The following CADM1 variants were observed in gnomAD, a reference collection of about 807,000 sequenced individuals.
CADM1 encodes the protein TSLC-1.
CADM1 carries 15 observed loss-of-function variants against 53.1 expected under a neutral mutation model. The observed-to-expected ratio is 0.28, with a 90% CI of 0.19 to 0.44. The LOEUF (loss-of-function observed/expected upper bound fraction) is 0.44, where lower values mean the gene tolerates loss of function less well. Ranked by LOEUF, CADM1 falls within the 20% of genes least tolerant of loss-of-function variation. The pLI, the probability that CADM1 is intolerant of heterozygous loss-of-function variation, is 1.00. For synonymous variants in CADM1, 281 were observed against 243.0 expected, an observed-to-expected ratio of 1.16 and a Z score of -1.45; for missense variants, 434 against 611.3, an observed-to-expected ratio of 0.71 and a Z score of 3.06.
In CADM1 at chr11:115,369,026, TAA is replaced by T. The variant is rs552309443; in HGVS notation, c.125-128608_125-128607del. Reference sequence around the variant, plus strand: ...GTGCCTAGCAGAGTGAAAAAAAATCTAAAAAAAAAAAAAAAAAAAAAAAAAAA... The same window carrying T: ...GTGCCTAGCAGAGTGAAAAAAAATCTAAAAAAAAAAAAAAAAAAAAAAAAA... On this transcript the variant is annotated intron_variant, in intron 1 of 11. Coordinates refer to ENST00000331581, the MANE Select transcript of CADM1 (RefSeq NM_001301043.2). Among the ~76,000 whole-genome samples, 153 of 44,744 alleles carry T rather than the reference TAA, an allele frequency of 3.4e-3. 1 individual carries two copies. Among genetic ancestry groups the T allele is most frequent in the African/African-American group, 0.011 (131 of 11,976 alleles). The allele number at this position is 44,744 out of a possible 152,430, so 29.4% of individuals were successfully genotyped here.
At chr11:115,184,845 G>T (rs2134613720) in intron 10 of CADM1, among the ~76,000 whole-genome samples, 1 of 152,322 alleles carries the variant, frequency 6.6e-6, no homozygotes, top group South Asian at 2.1e-4. Flanking sequence ...GCTGTACCTT[G>T]TCACTACTCA....
intron 1 of CADM1, among the ~76,000 whole-genome samples, chr11:115,322,154 CT>C (rs1944840253): frequency 6.6e-6 from 1 of 152,122 alleles, no homozygotes; most frequent in Admixed American, 6.6e-5. Flanking sequence ...GGCCATTGTT[CT>C]TTACCTCTCT....
Position 115,229,209 on chromosome 11 carries a change from C to A in CADM1, c.625G>T (p.Val209Leu). 1.2e-6 allele frequency: 2 copies of A among 1,614,138 alleles called. No individual in the cohort carries two copies. Among genetic ancestry groups the A allele is most frequent in the South Asian group, 1.1e-5 (1 of 91,088 alleles). The change falls in exon 5 of 12, where the codon GTG (valine) becomes TTG (leucine). Residue 209 changes from valine to leucine, a missense_variant. This residue lies in a region of CADM1 where 311 missense variants were observed against 435.1 expected (regional missense o/e 0.71). Coordinates refer to ENST00000331581, the MANE Select transcript of CADM1 (RefSeq NM_001301043.2). Reference sequence around the variant, plus strand: ...GGGACCCCATCGTCCTCCTTGTGCACCTTCAGCATCAGCTGACTGGTCACA... The same window carrying A: ...GGGACCCCATCGTCCTCCTTGTGCAACTTCAGCATCAGCTGACTGGTCACA... ...YTVTSQLMLK[V>L]HKEDDGVPVI... is the part of the protein sequence containing the mutation.
chr11:115,285,327 C>T (rs920567216), intron 1 of CADM1, among the ~76,000 whole-genome samples: 11 of 152,152 alleles, frequency 7.2e-5, no homozygotes, highest in Non-Finnish European at 1.3e-4. Flanking sequence ...ATGTAAACTT[C>T]GTTGTGTACC....
intron 1 of CADM1, among the ~76,000 whole-genome samples, chr11:115,490,199 A>G (rs1949461381): frequency 6.6e-6 from 1 of 152,188 alleles, no homozygotes; most frequent in Non-Finnish European, 1.5e-5. Context: ...AGGGGCTGTT[A>G]TACCATTGTA....
At position 115,169,936 on chromosome 11, in the gene CADM1, C is replaced by CCTG; in HGVS notation, c.*6537_*6538insCAG. 1 of 220,492 alleles carries CCTG rather than the reference C, an allele frequency of 4.5e-6. No homozygotes were observed. Among genetic ancestry groups the CCTG allele is most frequent in the Non-Finnish European group, 9.3e-6 (1 of 108,036 alleles). 13.7% of individuals were successfully genotyped at this position (220,492 alleles called of 1,614,324 possible). A position where few individuals can be genotyped will look rare whatever the true frequency, so the allele number is the denominator to read the frequency against. Reference sequence around the variant, plus strand: ...CTTGCTATTAAAGGCCTGCATTAGGCTCTTCCAACACCAGCTCTGGAAGAC... The same window carrying CCTG: ...CTTGCTATTAAAGGCCTGCATTAGGCCTGTCTTCCAACACCAGCTCTGGAAGAC... On this transcript the variant is annotated 3_prime_UTR_variant, in exon 12 of 12. Transcript: ENST00000331581.
At chr11:115,351,975 T>C (rs924292304) in intron 1 of CADM1, among the ~76,000 whole-genome samples, 3 of 152,228 alleles carry the variant, frequency 2.0e-5, no homozygotes, top group South Asian at 2.1e-4. Context: ...GAGAAGCTAA[T>C]TGAACAAGTA....
At chr11:115,436,335 T>C (rs776772157) in intron 1 of CADM1, among the ~76,000 whole-genome samples, 1 of 152,320 alleles carries the variant, frequency 6.6e-6, no homozygotes, top group Non-Finnish European at 1.5e-5. Flanking sequence ...TTTCCAAAAG[T>C]GTTCCTGAAA....
chr11:115,184,887 T>C (rs1488776082), intron 10 of CADM1, among the ~76,000 whole-genome samples: 2 of 152,172 alleles, frequency 1.3e-5, no homozygotes, highest in Non-Finnish European at 2.9e-5. Context: ...TCTTAGACTA[T>C]CACTGGCTAC....
chr11:115,504,316 G>T lies in CADM1; in HGVS notation c.79C>A (p.Arg27=). The part of the protein sequence containing the change: ...AAAAPPGLRL[R]LLLLLFSAAA... ...GCGGAGAAGAGCAACAGCAGAAGCC[G>T]GAGCCGGAGCCCGGGAGGCGCCGCC... The change falls in exon 1 of 12, where the codon CGG becomes AGG. Residue 27 remains arginine, a synonymous_variant. Transcript: ENST00000331581. 1.3e-6 allele frequency: 2 copies of T among 1,506,644 alleles called. No homozygotes were observed. Among genetic ancestry groups the T allele is most frequent in the Non-Finnish European group, 1.8e-6 (2 of 1,109,056 alleles). 93.3% of individuals were successfully genotyped at this position (1,506,644 alleles called of 1,614,324 possible).
chr11:115,265,672 T>C lies in CADM1; in HGVS notation c.125-25252A>G, dbSNP rs1232596851. ...TTGTCTAATCTGTATTTGGGACCAG[T>C]AGTTCACTGGGTTAATCCAAAAGAA... On this transcript the variant is annotated intron_variant, in intron 1 of 11. Transcript: ENST00000331581. Among the ~76,000 whole-genome samples, 4 of 152,184 alleles carry C rather than the reference T, an allele frequency of 2.6e-5. No homozygotes were observed. In the East Asian group the frequency reaches 5.8e-4, roughly 22 times the overall value.
intron 1 of CADM1, among the ~76,000 whole-genome samples, chr11:115,434,177 T>G (rs578246909): frequency 6.6e-6 from 1 of 152,342 alleles, no homozygotes; most frequent in East Asian, 1.9e-4. Context: ...TTTAACTGCA[T>G]GAGTTTCTCT....
At chr11:115,299,942 T>G (rs1050816115) in intron 1 of CADM1, among the ~76,000 whole-genome samples, 3 of 152,174 alleles carry the variant, frequency 2.0e-5, no homozygotes, top group African/African-American at 7.2e-5. Flanking sequence ...ATTCAAGGAA[T>G]CTAAATCAGA....
At chr11:115,399,971 A>G (rs1213594874) in intron 1 of CADM1, among the ~76,000 whole-genome samples, 2 of 152,192 alleles carry the variant, frequency 1.3e-5, no homozygotes, top group Non-Finnish European at 2.9e-5. Context: ...AAAACTTTAA[A>G]TTTCCAGAAA....
At chr11:115,359,105 C>G (rs1006814908) in intron 1 of CADM1, among the ~76,000 whole-genome samples, 1 of 152,112 alleles carries the variant, frequency 6.6e-6, no homozygotes, top group Non-Finnish European at 1.5e-5. Context: ...GAAGGCACAT[C>G]TGTGTGGCTT....
At chr11:115,225,071 T>C (rs1376026103) in intron 5 of CADM1, among the ~76,000 whole-genome samples, 1 of 152,196 alleles carries the variant, frequency 6.6e-6, no homozygotes, top group Non-Finnish European at 1.5e-5. Context: ...TTTTCTGTTT[T>C]AAACATTTAA....
At chr11:115,184,734 T>C (rs773632000) in intron 10 of CADM1, among the ~76,000 whole-genome samples, 7 of 152,230 alleles carry the variant, frequency 4.6e-5, no homozygotes, top group Non-Finnish European at 7.3e-5. Context: ...AAAGGAGCTA[T>C]GTTAAGCTAC....
chr11:115,293,306 G>A (rs889425159), intron 1 of CADM1, among the ~76,000 whole-genome samples: 1 of 152,112 alleles, frequency 6.6e-6, no homozygotes, highest in African/African-American at 2.4e-5. Context: ...GGTGGCGGGC[G>A]CCTGTAGTCC....
In CADM1 at chr11:115,174,995, G is replaced by C. The variant is rs763174763; in HGVS notation, c.*1479C>G. On this transcript the variant is annotated 3_prime_UTR_variant, in exon 12 of 12. Transcript: ENST00000331581. The stretch of plus-strand genomic sequence containing the variant: ...GATATGTTCAAGGTCACTGATTTTA[G>C]TAGCTATGCACTATGGCTGCCATCA... 565 of 985,720 alleles carry C rather than the reference G, an allele frequency of 5.7e-4. No individual in the cohort carries two copies. The highest frequency in any genetic ancestry group is 1.4e-3 in the Admixed American group (22 of 16,268). 61.1% of individuals were successfully genotyped at this position (985,720 alleles called of 1,614,324 possible). A position where few individuals can be genotyped will look rare whatever the true frequency, so the allele number is the denominator to read the frequency against.
Sources: allele counts gnomAD v4.1 joint callset (sites outside exome capture counted in the v4.1 genomes callset), GRCh38; gene constraint gnomAD v4.1.1; regional missense constraint gnomAD v4.1.1; transcripts MANE v1.5; gene names NCBI Gene and HGNC (gene_info 2026-07-23, HGNC 2026-07-21).